Variants in NPAS3 observed in about 807,000 individuals in gnomAD.
NPAS3 encodes the protein neuronal PAS domain-containing protein 3.
Under a neutral mutation model 73.1 loss-of-function variants are expected in NPAS3, and 14 were observed. The ratio of observed to expected loss-of-function variants is 0.19; its 90% CI spans 0.13 to 0.30. The LOEUF is 0.30. Among genes scored for constraint, NPAS3 ranks in the 10% least tolerant of loss-of-function variants. The pLI is 1.00. For missense variants in NPAS3, 1,096 were observed against 1,250.0 expected, an observed-to-expected ratio of 0.88 and a Z score of 1.86; for synonymous variants, 620 against 541.5, an observed-to-expected ratio of 1.14 and a Z score of -2.01.
intron 6 of NPAS3, among the ~76,000 whole-genome samples, chr14:33,696,101 A>C (rs1230166972): frequency 1.3e-5 from 2 of 152,172 alleles, no homozygotes; most frequent in African/African-American, 4.8e-5. Context: ...GGTAATAACT[A>C]TTCATCTTCC....
chr14:32,983,704 A>C (rs894599706), intron 1 of NPAS3, among the ~76,000 whole-genome samples: 9 of 151,968 alleles, frequency 5.9e-5, no homozygotes, highest in African/African-American at 2.2e-4. Context: ...ACACATATTT[A>C]ATGAAATAGA....
chr14:33,088,393 C>T (rs1408911231), intron 2 of NPAS3, among the ~76,000 whole-genome samples: 7 of 152,326 alleles, frequency 4.6e-5, no homozygotes, highest in African/African-American at 1.7e-4. Flanking sequence ...AGATTATATC[C>T]CGTGCCTGGC....
chr14:33,191,756 T>C (rs763674416), intron 2 of NPAS3, among the ~76,000 whole-genome samples: 2 of 152,210 alleles, frequency 1.3e-5, no homozygotes, highest in Non-Finnish European at 2.9e-5. Context: ...AAACTACCAG[T>C]GTTCTCAATT....
At chr14:33,022,437 G>T (rs1269183659) in intron 1 of NPAS3, among the ~76,000 whole-genome samples, 1 of 152,144 alleles carries the variant, frequency 6.6e-6, no homozygotes, top group Non-Finnish European at 1.5e-5. Flanking sequence ...GGCTGAGGCG[G>T]GCGGATCACG....
intron 3 of NPAS3, among the ~76,000 whole-genome samples, chr14:33,231,991 C>G (rs945849231): frequency 2.6e-5 from 4 of 152,164 alleles, no homozygotes; most frequent in Admixed American, 6.5e-5. Context: ...GTAGATAGTC[C>G]TATAGAGAGA....
intron 4 of NPAS3, among the ~76,000 whole-genome samples, chr14:33,443,281 A>G (rs912698522): frequency 7.2e-6 from 1 of 139,358 alleles, no homozygotes; most frequent in Non-Finnish European, 1.5e-5. Flanking sequence ...TTAAAAAAGG[A>G]AAAAAAAAAA....
chr14:33,706,893 G>A (rs2060671123), intron 6 of NPAS3, among the ~76,000 whole-genome samples: 1 of 152,154 alleles, frequency 6.6e-6, no homozygotes, highest in Non-Finnish European at 1.5e-5. Context: ...GAACTTGCCT[G>A]GGACAAAAAC....
At chr14:33,438,828 G>A (rs1469357572) in intron 4 of NPAS3, among the ~76,000 whole-genome samples, 1 of 152,152 alleles carries the variant, frequency 6.6e-6, no homozygotes, top group East Asian at 1.9e-4. Context: ...TGACAGAGAT[G>A]AAATGAAAGG....
chr14:33,701,712 G>T (rs1413569618), intron 6 of NPAS3, among the ~76,000 whole-genome samples: 2 of 152,122 alleles, frequency 1.3e-5, no homozygotes, highest in African/African-American at 2.4e-5. Flanking sequence ...CTCTTTAAAG[G>T]CCTGTTCCTT....
intron 5 of NPAS3, among the ~76,000 whole-genome samples, chr14:33,661,787 C>T (rs1299215292): frequency 6.6e-6 from 1 of 151,958 alleles, no homozygotes; most frequent in African/African-American, 2.4e-5. Flanking sequence ...GATTTTAAAC[C>T]ATTCATTGAA....
At chr14:33,651,834 T>C (rs2059003922) in intron 5 of NPAS3, among the ~76,000 whole-genome samples, 1 of 152,220 alleles carries the variant, frequency 6.6e-6, no homozygotes, top group East Asian at 1.9e-4. Context: ...CTTATTTTTC[T>C]TTTCCTAGAA....
chr14:33,727,114 G>C (rs902370142), intron 6 of NPAS3, among the ~76,000 whole-genome samples: 1 of 152,060 alleles, frequency 6.6e-6, no homozygotes, highest in African/African-American at 2.4e-5. Flanking sequence ...ACCGTATGTG[G>C]GCAACATCTG....
At chr14:33,574,543 C>G (rs1480871488) in intron 5 of NPAS3, among the ~76,000 whole-genome samples, 1 of 151,962 alleles carries the variant, frequency 6.6e-6, no homozygotes, top group African/African-American at 2.4e-5. Context: ...ATGTTGGCCT[C>G]TCTTCCAAGC....
At chr14:33,050,048 C>A (rs1342225190) in intron 1 of NPAS3, among the ~76,000 whole-genome samples, 6 of 152,076 alleles carry the variant, frequency 3.9e-5, no homozygotes, top group Non-Finnish European at 8.8e-5. Context: ...TGAGGGAGTT[C>A]TGTAGGTATG....
chr14:33,223,476 A>G (rs1403145884), intron 3 of NPAS3, among the ~76,000 whole-genome samples: 1 of 152,208 alleles, frequency 6.6e-6, no homozygotes, highest in Non-Finnish European at 1.5e-5. Context: ...TGTGCAATAC[A>G]TAATGGTATG....
chr14:33,138,779 A>G (rs192713616), intron 2 of NPAS3, among the ~76,000 whole-genome samples: 1 of 152,348 alleles, frequency 6.6e-6, no homozygotes, highest in East Asian at 1.9e-4. Context: ...CTGCAGTTAG[A>G]CATAAAAACA....
At chr14:33,063,993 A>T (rs2041196533) in intron 2 of NPAS3, among the ~76,000 whole-genome samples, 1 of 143,410 alleles carries the variant, frequency 7.0e-6, no homozygotes, top group Non-Finnish European at 1.6e-5. Flanking sequence ...ACGCTGAATT[A>T]TGTGTTATAG....
intron 6 of NPAS3, chr14:33,680,792 G>A (rs1052116364): frequency 1.7e-6 from 1 of 598,396 alleles, no homozygotes; most frequent in African/African-American, 1.9e-5. Flanking sequence ...CAAAATGCAT[G>A]AGGCAGTACT....
At chr14:33,759,915 T>G (rs935214116) in intron 7 of NPAS3, among the ~76,000 whole-genome samples, 21 of 152,232 alleles carry the variant, frequency 1.4e-4, no homozygotes, top group Non-Finnish European at 2.9e-5. Context: ...TGATTTTTAT[T>G]TAAGCATATA....
Sources: gnomAD v4.1 joint callset for allele counts (sites outside exome capture counted in the v4.1 genomes callset) on GRCh38, gnomAD v4.1.1 for gene constraint, MANE v1.5 for transcripts, NCBI Gene and HGNC (gene_info 2026-07-23, HGNC 2026-07-21) for gene names.